The following HPSE2 variants were observed in gnomAD, a reference collection of about 807,000 sequenced individuals.
HPSE2 encodes heparanase 2 (inactive).
Under a neutral mutation model 60.5 loss-of-function variants are expected in HPSE2, and 38 were observed. The observed-to-expected ratio is 0.63, with a 90% CI of 0.48 to 0.82. HPSE2 has a LOEUF of 0.82. HPSE2 is among the 40% of genes least tolerant of loss of function. The pLI is 0.00. For synonymous variants in HPSE2, 295 were observed against 293.2 expected (o/e 1.01, Z -0.06); for missense variants, 713 against 740.4 (o/e 0.96, Z 0.43).
At chr10:98,760,737 T>A (rs1949986282) in intron 3 of HPSE2, among the ~76,000 whole-genome samples, 1 of 152,114 alleles carries the variant, frequency 6.6e-6, no homozygotes, top group African/African-American at 2.4e-5. Context: ...TGTCCATCAG[T>A]GATACTTTCC....
At chr10:98,693,750 C>A in intron 6 of HPSE2, 150 bp downstream of exon 6, 1 of 728,234 alleles carries the variant, frequency 1.4e-6, no homozygotes, top group Non-Finnish European at 2.5e-6. Flanking sequence ...CAGTATGTGC[C>A]ATAAAAACAA....
At chr10:99,099,738 C>A (rs190911129) in intron 3 of HPSE2, among the ~76,000 whole-genome samples, 7 of 152,274 alleles carry the variant, frequency 4.6e-5, no homozygotes, top group Non-Finnish European at 1.0e-4. Flanking sequence ...TGGGAGGCAC[C>A]CCCTAGTAGG....
chr10:99,022,708 C>T (rs1231355038), intron 3 of HPSE2, among the ~76,000 whole-genome samples: 1 of 152,084 alleles, frequency 6.6e-6, no homozygotes. Context: ...CGTTTCAGGC[C>T]CTACTTCCAG....
At chr10:99,306,495 C>A in the HPSE2 span, among the ~76,000 whole-genome samples, 3 of 38,678 alleles carry the variant, frequency 7.8e-5, no homozygotes, top group South Asian at 1.0e-3. Flanking sequence ...TGCCCTGTTA[C>A]CCCCCAAAAA....
At chr10:99,161,482 T>A (rs1846843303) in intron 2 of HPSE2, among the ~76,000 whole-genome samples, 1 of 152,128 alleles carries the variant, frequency 6.6e-6, no homozygotes, top group African/African-American at 2.4e-5. Context: ...ATGACTTCAT[T>A]TATGTGAAAT....
At chr10:99,063,376 G>C (rs1409840965) in intron 3 of HPSE2, among the ~76,000 whole-genome samples, 1 of 151,482 alleles carries the variant, frequency 6.6e-6, no homozygotes, top group Non-Finnish European at 1.5e-5. Context: ...ATTTGCAGAA[G>C]AAATGCCAGA....
intron 9 of HPSE2, among the ~76,000 whole-genome samples, chr10:98,552,642 T>C (rs763117924): frequency 6.6e-6 from 1 of 152,190 alleles, no homozygotes; most frequent in Non-Finnish European, 1.5e-5. Flanking sequence ...ATCAATTCTA[T>C]GATGACTTTT....
At chr10:98,735,283 G>A (rs190243679) in intron 4 of HPSE2, among the ~76,000 whole-genome samples, 294 of 7,692 alleles carry the variant, frequency 0.038, 10 homozygotes, top group African/African-American at 0.11. Flanking sequence ...AGCCTTGGCA[G>A]CTTCCACATG....
the HPSE2 span, among the ~76,000 whole-genome samples, chr10:99,279,805 A>G: frequency 6.6e-6 from 1 of 152,262 alleles, no homozygotes; most frequent in Non-Finnish European, 1.5e-5. Context: ...GGGGAGGCAG[A>G]CTAAATAAAT....
chr10:98,956,693 T>G (rs1488426150), intron 3 of HPSE2, among the ~76,000 whole-genome samples: 2 of 152,148 alleles, frequency 1.3e-5, no homozygotes, highest in African/African-American at 4.8e-5. Flanking sequence ...AGTACCACAG[T>G]ACAATTTGGT....
At chr10:98,637,049 G>A (rs770858866) in intron 7 of HPSE2, among the ~76,000 whole-genome samples, 2 of 152,110 alleles carry the variant, frequency 1.3e-5, no homozygotes, top group Non-Finnish European at 2.9e-5. Context: ...ATCTCCCAAT[G>A]TACACATGAT....
chr10:99,277,745 G>C, the HPSE2 span, among the ~76,000 whole-genome samples: 1 of 152,114 alleles, frequency 6.6e-6, no homozygotes, highest in African/African-American at 2.4e-5. Context: ...AAATTCCTAA[G>C]AAAAGATGGA....
chr10:99,239,539 C>G (rs904802335), upstream of HPSE2, among the ~76,000 whole-genome samples: 4 of 148,126 alleles, frequency 2.7e-5, no homozygotes, highest in Middle Eastern at 3.7e-3. Flanking sequence ...AAGCAATTCT[C>G]CTGCCTCAGC....
At chr10:99,251,537 A>C in the HPSE2 span, among the ~76,000 whole-genome samples, 9 of 152,270 alleles carry the variant, frequency 5.9e-5, no homozygotes, top group African/African-American at 2.2e-4. Flanking sequence ...ACACAACCGA[A>C]AAAGACTACA....
intron 3 of HPSE2, among the ~76,000 whole-genome samples, chr10:98,995,690 C>T (rs1204192225): frequency 2.0e-5 from 3 of 151,984 alleles, no homozygotes; most frequent in Admixed American, 1.3e-4. Flanking sequence ...GAAAAAAATA[C>T]AACACTTATA....
At chr10:98,949,237 C>A in intron 3 of HPSE2, among the ~76,000 whole-genome samples, 1 of 113,596 alleles carries the variant, frequency 8.8e-6, no homozygotes, top group East Asian at 2.6e-4. Context: ...CACGCACACG[C>A]ACACGCATGC....
chr10:98,606,619 A>C (rs1945594327), intron 9 of HPSE2, among the ~76,000 whole-genome samples: 1 of 152,236 alleles, frequency 6.6e-6, no homozygotes, highest in African/African-American at 2.4e-5. Context: ...GAATCCTTTC[A>C]ATGCTTAAAA....
At position 98,940,544 on chromosome 10, in the gene HPSE2, A is replaced by C. The variant is rs1330982064; in HGVS notation, c.611-196488T>G. ...CAAGACTAAACAAGGAAGAAGTTGAATCTCTGAATAGACCAATAACAGGCT... is the reference window on the plus strand; with the variant it reads ...CAAGACTAAACAAGGAAGAAGTTGACTCTCTGAATAGACCAATAACAGGCT... On this transcript the variant is annotated intron_variant, in intron 3 of 11. Coordinates refer to ENST00000370552, the MANE Select transcript of HPSE2 (RefSeq NM_021828.5). Among the ~76,000 whole-genome samples, 5 of 143,674 alleles carry C rather than the reference A, an allele frequency of 3.5e-5. 1 individual carries two copies. Among genetic ancestry groups the C allele is most frequent in the Non-Finnish European group, 6.0e-5 (4 of 67,132 alleles). 94.3% of individuals were successfully genotyped at this position (143,674 alleles called of 152,430 possible).
At chr10:98,519,713 A>C (rs1591305513) in intron 9 of HPSE2, among the ~76,000 whole-genome samples, 1 of 152,148 alleles carries the variant, frequency 6.6e-6, no homozygotes, top group Non-Finnish European at 1.5e-5. Flanking sequence ...TCAGGTGGAG[A>C]CCTAACTGCA....
Sources: allele counts gnomAD v4.1 joint callset (sites outside exome capture counted in the v4.1 genomes callset), GRCh38; gene constraint gnomAD v4.1.1; transcripts MANE v1.5; gene names NCBI Gene and HGNC (gene_info 2026-07-23, HGNC 2026-07-21).